ANP32A: variants seen among roughly 807,000 people sequenced by gnomAD.
ANP32A encodes the protein acidic nuclear phosphoprotein 32 family member A.
ANP32A carries 1 observed loss-of-function variant against 33.9 expected under a neutral mutation model. The observed-to-expected ratio is 0.03, with a 90% CI of 0.01 to 0.14. ANP32A has a LOEUF of 0.14. Ranked by LOEUF, ANP32A falls within the 10% of genes least tolerant of loss-of-function variation. The pLI, the probability that ANP32A is intolerant of heterozygous loss-of-function variation, is 1.00. For missense variants in ANP32A, 155 were observed against 306.0 expected (o/e 0.51, Z 3.68); for synonymous variants, 115 against 120.5 (o/e 0.95, Z 0.30).
intron 5 of ANP32A, chr15:68,782,752 A>G: frequency 1.1e-6 from 1 of 938,012 alleles, no homozygotes; most frequent in Middle Eastern, 3.5e-4. Context: ...CCCTCTTCTA[A>G]TCCAGCCTCC....
At chr15:68,785,943 G>A (rs1893926356) in intron 3 of ANP32A, among the ~76,000 whole-genome samples, 1 of 152,220 alleles carries the variant, frequency 6.6e-6, no homozygotes. Flanking sequence ...GGAGACCAGT[G>A]AAAGGCCTGA....
At chr15:68,801,481 C>T (rs1033068862) in intron 1 of ANP32A, among the ~76,000 whole-genome samples, 12 of 152,042 alleles carry the variant, frequency 7.9e-5, no homozygotes, top group South Asian at 2.1e-4. Context: ...TAAAATGGGA[C>T]GAGTCCCTAC....
At chr15:68,815,464 G>A (rs1207404898) in intron 1 of ANP32A, among the ~76,000 whole-genome samples, 4 of 152,018 alleles carry the variant, frequency 2.6e-5, no homozygotes, top group African/African-American at 9.7e-5. Context: ...TATTTTTTGG[G>A]AGAATAACAT....
intron 1 of ANP32A, among the ~76,000 whole-genome samples, chr15:68,815,508 C>T (rs1363585570): frequency 1.3e-5 from 2 of 152,074 alleles, no homozygotes; most frequent in East Asian, 3.9e-4. Flanking sequence ...GTGTTCCATA[C>T]CATCAAATTG....
chr15:68,820,708 G>A lies in ANP32A; in HGVS notation c.44C>T (p.Thr15Met), dbSNP rs1392657083. 6.2e-7 allele frequency: 1 copy of A among 1,613,652 alleles called. No homozygotes were observed. The highest frequency in any genetic ancestry group is 1.1e-5 in the South Asian group (1 of 91,074). Residue 15 changes from threonine to methionine, a missense_variant, in exon 1 of 7, where the codon ACG becomes ATG. By Grantham distance (81) the Thr-to-Met change is moderately conservative. Around this residue, in one of 4 missense-constraint regions of ANP32A, gnomAD observed 7 missense variants for 21.3 expected, o/e 0.33. Coordinates refer to ENST00000465139, the MANE Select transcript of ANP32A (RefSeq NM_006305.4). ...TTGGCAAATGCTCACATCAGAGGGC[G>A]TCCTGTTCCGCAGCTCTAAATGAAT... Reference protein sequence around the residue: ...RRIHLELRNRTPSDVKELVLD... With the variant: ...RRIHLELRNRMPSDVKELVLD...
chr15:68,787,304 G>A, intron 3 of ANP32A, 109 bp downstream of exon 3: 2 of 1,476,146 alleles, frequency 1.4e-6, no homozygotes, highest in Non-Finnish European at 1.9e-6. Flanking sequence ...CACATCATGA[G>A]AGTCAAAAAA....
At chr15:68,816,616 C>T (rs1258673374) in intron 1 of ANP32A, among the ~76,000 whole-genome samples, 1 of 152,050 alleles carries the variant, frequency 6.6e-6, no homozygotes, top group Non-Finnish European at 1.5e-5. Flanking sequence ...ATACTGAGGG[C>T]CATATCAAAC....
Position 68,796,229 on chromosome 15 carries a change from C to T in ANP32A, c.55-8310G>A, listed in dbSNP as rs147255425. ...CTCAAGTAGCTGGAATTACAGGCGCCCACCACCACGTCTGGCTGATTTTGT... is the reference window on the plus strand; with the variant it reads ...CTCAAGTAGCTGGAATTACAGGCGCTCACCACCACGTCTGGCTGATTTTGT... On this transcript the variant is annotated intron_variant, in intron 1 of 6. Transcript: ENST00000465139. Among the ~76,000 whole-genome samples, 23 of 152,306 alleles carry T rather than the reference C, an allele frequency of 1.5e-4. No individual in the cohort carries two copies. The East Asian group carries it at 4.2e-3, about 28-fold the overall frequency.
chr15:68,785,861 A>T (rs1035791593), intron 3 of ANP32A, among the ~76,000 whole-genome samples: 1 of 151,766 alleles, frequency 6.6e-6, no homozygotes, highest in Admixed American at 6.6e-5. Context: ...AACTTCAAAG[A>T]CTTTTTCCTT....
In ANP32A at chr15:68,787,930, G is replaced by T; in HGVS notation, c.55-11C>A. ...GACAAGTTCTTTCACCTGAAAGAAG[G>T]CCCGACCGTGTGAGCGGGGCTGAGG... On this transcript the variant is annotated splice_polypyrimidine_tract_variant and intron_variant, in intron 1 of 6. Coordinates refer to ENST00000465139, the MANE Select transcript of ANP32A (RefSeq NM_006305.4). The T allele has an allele frequency of 6.2e-7, 1 of 1,614,060 alleles. No homozygotes were observed. Among genetic ancestry groups the T allele is most frequent in the South Asian group, 1.1e-5 (1 of 91,082 alleles).
At chr15:68,792,901 G>C (rs1894016266) in intron 1 of ANP32A, among the ~76,000 whole-genome samples, 1 of 152,162 alleles carries the variant, frequency 6.6e-6, no homozygotes, top group East Asian at 1.9e-4. Flanking sequence ...AAACATTCCT[G>C]GCTTCTCACT....
intron 1 of ANP32A, among the ~76,000 whole-genome samples, chr15:68,813,910 C>T (rs527399249): frequency 1.7e-5 from 2 of 117,736 alleles, no homozygotes; most frequent in Non-Finnish European, 3.4e-5. Context: ...CGCTTTGTCC[C>T]CCAGGCCGGA....
chr15:68,790,811 T>A (rs1314071927), intron 1 of ANP32A: 1 of 152,216 alleles, frequency 6.6e-6, no homozygotes, highest in Non-Finnish European at 1.5e-5. Flanking sequence ...CCAAGTCAAT[T>A]CTACAAGTTC....
Position 68,820,840 on chromosome 15 carries a change from G to A in ANP32A, c.-89C>T, listed in dbSNP as rs538981275. On this transcript the variant is annotated 5_prime_UTR_variant, in exon 1 of 7. Coordinates refer to ENST00000465139, the MANE Select transcript of ANP32A (RefSeq NM_006305.4). ...CCACGGCCGCGCGTTTTAGGACTTT[G>A]AAGGCTCAACCAGCTCCGCTCGGTT... is the stretch of plus-strand genomic sequence containing the variant. 1.3e-6 allele frequency: 2 copies of A among 1,518,656 alleles called. No homozygotes were observed. Among genetic ancestry groups the A allele is most frequent in the African/African-American group, 1.4e-5 (1 of 72,848 alleles). 94.1% of individuals were successfully genotyped at this position (1,518,656 alleles called of 1,614,324 possible).
intron 1 of ANP32A, among the ~76,000 whole-genome samples, chr15:68,811,510 G>A (rs903725442): frequency 6.6e-6 from 1 of 152,090 alleles, no homozygotes; most frequent in African/African-American, 2.4e-5. Flanking sequence ...GGGAGGGAAG[G>A]GGTGGAGGCC....
intron 1 of ANP32A, among the ~76,000 whole-genome samples, chr15:68,820,182 G>T (rs944310387): frequency 5.9e-5 from 9 of 152,130 alleles, no homozygotes; most frequent in African/African-American, 2.2e-4. Context: ...CTTATTGTGT[G>T]TGCGAGCGAG....
intron 2 of ANP32A, 49 bp from the exon 3 acceptor site, chr15:68,787,584 G>C (rs922452478): frequency 6.2e-7 from 1 of 1,613,426 alleles, no homozygotes; most frequent in Admixed American, 1.7e-5. Context: ...TAAAATGAAG[G>C]CTACCGGCTC....
In ANP32A at chr15:68,787,594, C is replaced by T. The variant is rs1405827402; in HGVS notation, c.205-59G>A. The T allele has an allele frequency of 3.1e-6, 5 of 1,610,990 alleles. No homozygotes were observed. In the African/African-American group the frequency reaches 6.7e-5, roughly 22 times the overall value. On this transcript the variant is annotated intron_variant, in intron 2 of 6. Coordinates refer to ENST00000465139, the MANE Select transcript of ANP32A (RefSeq NM_006305.4). ...GCTTTTAAAATGAAGGCTACCGGCT[C>T]AGAGCTGCCCGGCTTTCCCCAGACG...
rs1170884421 is a variant in ANP32A, at chr15:68,779,148, C to T, written c.*933G>A. ...CACTAGGTAAGAAAATACAATTTTG[C>T]GTTAGTTTTTCCGTGCTCGGGTGTA... On this transcript the variant is annotated 3_prime_UTR_variant, in exon 7 of 7. Transcript: ENST00000465139. 3 of 151,822 alleles carry T rather than the reference C, an allele frequency of 2.0e-5. No homozygotes were observed. The highest frequency in any genetic ancestry group is 6.6e-5 in the Admixed American group (1 of 15,226). The allele number at this position is 151,822 out of a possible 1,614,324, so 9.4% of individuals were successfully genotyped here.
Sources: allele counts gnomAD v4.1 joint callset (sites outside exome capture counted in the v4.1 genomes callset), GRCh38; gene constraint gnomAD v4.1.1; regional missense constraint gnomAD v4.1.1; transcripts MANE v1.5; gene names NCBI Gene and HGNC (gene_info 2026-07-23, HGNC 2026-07-21).